Variants in ESYT2 observed in about 807,000 individuals in gnomAD.
ESYT2 encodes extended synaptotagmin-2.
A neutral mutation model predicts 107.2 loss-of-function variants in ESYT2; 54 were observed. That is an observed-to-expected ratio of 0.50 (90% confidence interval 0.40 to 0.63). The LOEUF is 0.63. ESYT2 is among the 30% of genes least tolerant of loss of function. The pLI, the probability that ESYT2 is intolerant of heterozygous loss-of-function variation, is 0.00. For missense variants in ESYT2, 1,020 were observed against 1,094.5 expected, an observed-to-expected ratio of 0.93 and a Z score of 0.96; for synonymous variants, 491 against 434.1, an observed-to-expected ratio of 1.13 and a Z score of -1.63.
Position 158,733,030 on chromosome 7 carries a change from T to G in ESYT2, c.*1177A>C. On this transcript the variant is annotated 3_prime_UTR_variant, in exon 23 of 23. Coordinates refer to ENST00000275418, the MANE Select transcript of ESYT2 (RefSeq NM_001367773.1). ...AAAATTGCATAACAATATCCCAATA[T>G]TAAGGTCAGTCATGGCATAAAGTGA... 6.6e-6 allele frequency: 1 copy of G among 152,188 alleles called. No individual in the cohort carries two copies. Among genetic ancestry groups the G allele is most frequent in the East Asian group, 1.9e-4 (1 of 5,192 alleles). 9.4% of individuals were successfully genotyped at this position (152,188 alleles called of 1,614,324 possible). A position where few individuals can be genotyped will look rare whatever the true frequency, so the allele number is the denominator to read the frequency against.
At chr7:158,756,333 G>A (rs1246260887) in intron 13 of ESYT2, among the ~76,000 whole-genome samples, 1 of 152,184 alleles carries the variant, frequency 6.6e-6, no homozygotes, top group Non-Finnish European at 1.5e-5. Flanking sequence ...CAGGTATCCA[G>A]TGCCAGACGG....
chr7:158,791,322 A>G (rs1383681158), intron 4 of ESYT2, among the ~76,000 whole-genome samples: 2 of 152,206 alleles, frequency 1.3e-5, no homozygotes, highest in African/African-American at 2.4e-5. Context: ...TTATCCATTC[A>G]TCGGCCCACG....
At chr7:158,751,145 T>A (rs1410184418) in intron 14 of ESYT2, among the ~76,000 whole-genome samples, 5 of 152,176 alleles carry the variant, frequency 3.3e-5, no homozygotes, top group Non-Finnish European at 2.9e-5. Flanking sequence ...TATATACCTT[T>A]TTGGGGGAGG....
Position 158,788,085 on chromosome 7 carries a change from A to T in ESYT2, c.666T>A (p.Gly222=). 1 of 1,614,006 alleles carries T rather than the reference A, an allele frequency of 6.2e-7. No homozygotes were observed. Among genetic ancestry groups the T allele is most frequent in the Non-Finnish European group, 8.5e-7 (1 of 1,179,844 alleles). Residue 222 remains glycine, a synonymous_variant, in exon 6 of 23, where the codon GGT becomes GGA. Transcript: ENST00000275418. ...ACGGTTCCAGGATCACCCGCATGGT[A>T]CCATGAATCTAAACTCAAACAGGAA... ...RAGVKSIQIH[G]TMRVILEPLI... is the part of the protein sequence containing the mutation.
chr7:158,752,909 G>A, intron 13 of ESYT2, 66 bp from the exon 14 acceptor site: 1 of 1,061,302 alleles, frequency 9.4e-7, no homozygotes, highest in Non-Finnish European at 1.3e-6. Context: ...TTTATGTAAG[G>A]TTAAAGACAT....
intron 17 of ESYT2, 134 bp from the exon 18 acceptor site, chr7:158,742,030 A>G (rs1837229840): frequency 2.0e-6 from 2 of 995,180 alleles, no homozygotes; most frequent in Non-Finnish European, 2.9e-6. Context: ...TTTTTAAAGG[A>G]AAGTTTAGGT....
At chr7:158,745,478 A>T (rs1837369370) in intron 16 of ESYT2, among the ~76,000 whole-genome samples, 1 of 152,230 alleles carries the variant, frequency 6.6e-6, no homozygotes, top group South Asian at 2.1e-4. Context: ...GGCCTGAGCA[A>T]TGGCAATGCC....
chr7:158,760,066 G>C lies in ESYT2; in HGVS notation c.1315C>G (p.Leu439Val), dbSNP rs1229625064. 6.2e-7 allele frequency: 1 copy of C among 1,614,174 alleles called. No individual in the cohort carries two copies. Among genetic ancestry groups the C allele is most frequent in the Admixed American group, 1.7e-5 (1 of 60,030 alleles). ...WLTLMPNASN[L>V]DKVLTDIKAD... ...ACATGCTTCAACAGCACCTTGTCGAGGTTTGACGCATTTGGCATTAACGTG... is the reference window on the plus strand; with the variant it reads ...ACATGCTTCAACAGCACCTTGTCGACGTTTGACGCATTTGGCATTAACGTG... The change falls in exon 12 of 23, where the codon CTC (leucine) becomes GTC (valine). Residue 439 changes from leucine (L) to valine (V), a missense_variant. Physicochemically the swap from Leu to Val is conservative, Grantham distance 32. Transcript: ENST00000275418.
At chr7:158,810,688 G>GGA (rs569997105) in intron 1 of ESYT2, among the ~76,000 whole-genome samples, 13 of 149,566 alleles carry the variant, frequency 8.7e-5, no homozygotes, top group African/African-American at 3.2e-4. Flanking sequence ...TCTTGGGGGG[G>GGA]AAAAAAAAAG....
intron 3 of ESYT2, among the ~76,000 whole-genome samples, chr7:158,794,365 A>G (rs897167523): frequency 7.2e-5 from 11 of 152,160 alleles, no homozygotes; most frequent in Non-Finnish European, 2.9e-5. Context: ...ATGGTAGCGC[A>G]CACCTGTGGT....
chr7:158,786,124 T>C (rs1478017548), intron 6 of ESYT2, among the ~76,000 whole-genome samples: 1 of 150,160 alleles, frequency 6.7e-6, no homozygotes. Flanking sequence ...CCCATCCTTC[T>C]TTTCTGAGCA....
intron 13 of ESYT2, among the ~76,000 whole-genome samples, chr7:158,754,613 T>A (rs754211667): frequency 1.3e-5 from 2 of 152,222 alleles, no homozygotes; most frequent in Admixed American, 1.3e-4. Context: ...AGTACTGTTA[T>A]GTTTAAGGCA....
At chr7:158,751,942 C>T (rs1383284304) in intron 14 of ESYT2, among the ~76,000 whole-genome samples, 1 of 152,208 alleles carries the variant, frequency 6.6e-6, no homozygotes, top group Non-Finnish European at 1.5e-5. Flanking sequence ...TAGTAACCCA[C>T]AACTTATCTC....
intron 16 of ESYT2, among the ~76,000 whole-genome samples, chr7:158,746,282 G>C (rs1837399610): frequency 6.6e-6 from 1 of 151,522 alleles, no homozygotes; most frequent in African/African-American, 2.4e-5. Flanking sequence ...AAAATTAGCT[G>C]GGTATGGTGG....
At chr7:158,797,298 C>T (rs1213507439) in intron 3 of ESYT2, among the ~76,000 whole-genome samples, 1 of 152,136 alleles carries the variant, frequency 6.6e-6, no homozygotes, top group African/African-American at 2.4e-5. Context: ...TATACGTGCA[C>T]CACCACACCC....
At chr7:158,735,082 C>T (rs111775892) in intron 21 of ESYT2, among the ~76,000 whole-genome samples, 4 of 152,214 alleles carry the variant, frequency 2.6e-5, no homozygotes, top group Admixed American at 2.6e-4. Flanking sequence ...GCACAGCTGA[C>T]GAAATGATGC....
chr7:158,815,085 T>C (rs1310948729), intron 1 of ESYT2, among the ~76,000 whole-genome samples: 3 of 152,290 alleles, frequency 2.0e-5, no homozygotes, highest in Admixed American at 6.5e-5. Context: ...ATGACTTCCA[T>C]GTAAAGAGTT....
intron 7 of ESYT2, among the ~76,000 whole-genome samples, chr7:158,768,999 G>T (rs762559084): frequency 5.3e-5 from 8 of 152,170 alleles, no homozygotes; most frequent in Non-Finnish European, 1.0e-4. Flanking sequence ...ACCTTTACCT[G>T]AATTGTGAAG....
intron 1 of ESYT2, among the ~76,000 whole-genome samples, chr7:158,813,095 A>G (rs1041852945): frequency 6.6e-6 from 1 of 152,220 alleles, no homozygotes; most frequent in African/African-American, 2.4e-5. Flanking sequence ...TGCAATAAAA[A>G]TGAAACAAAT....
Sources: allele counts gnomAD v4.1 joint callset (sites outside exome capture counted in the v4.1 genomes callset), GRCh38; gene constraint gnomAD v4.1.1; transcripts MANE v1.5; gene names NCBI Gene and HGNC (gene_info 2026-07-23, HGNC 2026-07-21).